Variants in DHX33 observed in about 807,000 individuals in gnomAD.
The protein encoded by DHX33 is DEAH-box helicase 33, also known as ATP-dependent RNA helicase DHX33.
In DHX33, 42 loss-of-function variants were observed where a neutral mutation model predicts 72.5. The ratio of observed to expected loss-of-function variants is 0.58; its 90% CI spans 0.45 to 0.75. The LOEUF (loss-of-function observed/expected upper bound fraction) is 0.75, where lower values mean the gene tolerates loss of function less well. DHX33 is among the 30% of genes least tolerant of loss of function. The probability of loss-of-function intolerance (pLI) is 0.00; values close to 1 mark genes in which losing one functional copy is unlikely to be tolerated. For synonymous variants in DHX33, 358 were observed against 366.1 expected (o/e 0.98, Z 0.25); for missense variants, 842 against 917.5 (o/e 0.92, Z 1.06).
At chr17:5,460,261 G>A (rs1597362656) in intron 4 of DHX33, among the ~76,000 whole-genome samples, 1 of 151,572 alleles carries the variant, frequency 6.6e-6, no homozygotes. Flanking sequence ...TGATCCACCC[G>A]CCTCGGCCTC....
chr17:5,449,023 C>A (rs777254076), intron 10 of DHX33, 128 bp from the exon 11 acceptor site: 6 of 561,872 alleles, frequency 1.1e-5, no homozygotes, highest in Non-Finnish European at 1.8e-5. Flanking sequence ...CAAACCAATC[C>A]TCCCACCTCA....
intron 4 of DHX33, among the ~76,000 whole-genome samples, chr17:5,456,750 T>C (rs1008911058): frequency 6.6e-6 from 1 of 152,248 alleles, no homozygotes; most frequent in Non-Finnish European, 1.5e-5. Context: ...TGAAGCTTCC[T>C]TTCTTTTATA....
At chr17:5,463,755 T>C (rs1266433751) in intron 1 of DHX33, 66 bp from the exon 2 acceptor site, 1 of 1,470,940 alleles carries the variant, frequency 6.8e-7, no homozygotes, top group African/African-American at 1.4e-5. Context: ...GCACCAGGGC[T>C]GGCACCTATA....
At chr17:5,455,348 T>A in intron 5 of DHX33, 77 bp from the exon 6 acceptor site, 1 of 1,181,806 alleles carries the variant, frequency 8.5e-7, no homozygotes, top group Non-Finnish European at 1.3e-6. Flanking sequence ...TTCTCACCAT[T>A]AACTTCCACA....
chr17:5,448,333 T>C (rs1916744936), intron 11 of DHX33, among the ~76,000 whole-genome samples: 1 of 152,158 alleles, frequency 6.6e-6, no homozygotes, highest in African/African-American at 2.4e-5. Flanking sequence ...AAAACATACA[T>C]ACACAGAAAC....
In DHX33 at chr17:5,450,296, C is replaced by A; in HGVS notation, c.1635G>T (p.Val545=). ...LHNPPSRREE[V]QGVRKKFISS... ...ATATGAACTTCTTGCGGACCCCTTG[C>A]ACTTCCTCTCGCCGGGAAGGAGGGT... Residue 545 remains valine (V), a synonymous_variant, in exon 10 of 12, where the codon GTG becomes GTT. Transcript: ENST00000225296. 6.2e-7 allele frequency: 1 copy of A among 1,614,206 alleles called. No individual in the cohort carries two copies. Among genetic ancestry groups the A allele is most frequent in the Non-Finnish European group, 8.5e-7 (1 of 1,180,036 alleles).
intron 11 of DHX33, among the ~76,000 whole-genome samples, chr17:5,447,130 C>G (rs1172491261): frequency 6.6e-6 from 1 of 152,252 alleles, no homozygotes; most frequent in Non-Finnish European, 1.5e-5. Context: ...CCCTCTATCT[C>G]TGACATAAAA....
At chr17:5,455,116 C>A (rs765501407) in intron 6 of DHX33, 44 bp downstream of exon 6, 3 of 1,513,476 alleles carry the variant, frequency 2.0e-6, no homozygotes, top group Non-Finnish European at 2.7e-6. Context: ...TCAGTGGCTG[C>A]TCACTAGACA....
At chr17:5,461,164 G>A (rs1051609534) in intron 3 of DHX33, 55 bp from the exon 4 acceptor site, 48 of 1,551,854 alleles carry the variant, frequency 3.1e-5, no homozygotes, top group Middle Eastern at 1.7e-4. Flanking sequence ...AGGCCTTTCC[G>A]TGTCCCTCTC....
intron 11 of DHX33, among the ~76,000 whole-genome samples, chr17:5,448,120 A>G (rs529055625): frequency 6.6e-6 from 1 of 152,246 alleles, no homozygotes; most frequent in African/African-American, 2.4e-5. Flanking sequence ...CAGAGGTTGC[A>G]GTGAGCGGAG....
In DHX33 at chr17:5,456,047, C is replaced by T. The variant is rs771065190; in HGVS notation, c.985G>A (p.Ala329Thr). The T allele has an allele frequency of 8.1e-6, 13 of 1,613,276 alleles. No homozygotes were observed. The highest frequency in any genetic ancestry group is 1.7e-5 in the Admixed American group (1 of 60,010). ...CPAMLVLPLY[A>T]SLPYAQQLRV... ...AGCTGCTGTGCATAGGGCAGGGAGG[C>T]GTACAGAGGAAGGACCAGCATCGCA... The change falls in exon 5 of 12, where the codon GCC becomes ACC. Residue 329 changes from alanine (A) to threonine (T), a missense_variant. Transcript: ENST00000225296.
At chr17:5,447,860 C>A (rs901516747) in intron 11 of DHX33, among the ~76,000 whole-genome samples, 1 of 151,974 alleles carries the variant, frequency 6.6e-6, no homozygotes, top group African/African-American at 2.4e-5. Flanking sequence ...GCACTGAAAG[C>A]CCAGCCACAG....
At chr17:5,467,708 CAA>C (rs1313873404) in intron 1 of DHX33, among the ~76,000 whole-genome samples, 1 of 152,116 alleles carries the variant, frequency 6.6e-6, no homozygotes, top group Admixed American at 6.6e-5. Context: ...CCCCTGCTCC[CAA>C]AGAGTCCAAC....
intron 4 of DHX33, among the ~76,000 whole-genome samples, chr17:5,457,091 G>A (rs961140785): frequency 1.5e-4 from 23 of 152,224 alleles, no homozygotes; most frequent in African/African-American, 4.3e-4. Flanking sequence ...CAGATCACCT[G>A]AGGTCAGGAG....
In DHX33 at chr17:5,453,999, C is replaced by G. The variant is rs1350510055; in HGVS notation, c.1148-19G>C. The G allele has an allele frequency of 8.1e-6, 13 of 1,610,212 alleles. No homozygotes were observed. The highest frequency in any genetic ancestry group is 1.3e-5 in the African/African-American group (1 of 74,836). On this transcript the variant is annotated intron_variant, in intron 6 of 11. Transcript: ENST00000225296. ...CCACTGTCTGGATGGAGAGTGAGCC[C>G]CATTAGTGCTTCATCACATGAACAA...
Position 5,468,868 on chromosome 17 carries a change from G to A in DHX33, c.-9C>T, listed in dbSNP as rs1905005135. On this transcript the variant is annotated 5_prime_UTR_variant, in exon 1 of 12. Coordinates refer to ENST00000225296, the MANE Select transcript of DHX33 (RefSeq NM_020162.4). ...CCCGCCTCCTCCGGCATGTCGGGAGGGCACCGCGGCGGGAGGCGCAAGCGC... is the reference window on the plus strand; with the variant it reads ...CCCGCCTCCTCCGGCATGTCGGGAGAGCACCGCGGCGGGAGGCGCAAGCGC... 3 of 1,550,968 alleles carry A rather than the reference G, an allele frequency of 1.9e-6. No homozygotes were observed. Among genetic ancestry groups the A allele is most frequent in the East Asian group, 2.4e-5 (1 of 41,028 alleles).
intron 10 of DHX33, among the ~76,000 whole-genome samples, chr17:5,449,626 G>A (rs1039828443): frequency 7.2e-5 from 11 of 152,086 alleles, no homozygotes; most frequent in Non-Finnish European, 1.2e-4. Flanking sequence ...TAGTAGAGAC[G>A]GGGTTTTGCC....
At chr17:5,448,463 C>CTA (rs1916749559) in intron 11 of DHX33, among the ~76,000 whole-genome samples, 1 of 152,108 alleles carries the variant, frequency 6.6e-6, no homozygotes, top group Non-Finnish European at 1.5e-5. Context: ...GTGTCAAATA[C>CTA]TATACACAAC....
At chr17:5,455,976 C>T (rs1170424503) in intron 5 of DHX33, 21 bp downstream of exon 5, 1 of 1,606,312 alleles carries the variant, frequency 6.2e-7, no homozygotes, top group Non-Finnish European at 8.5e-7. Flanking sequence ...TAGGGCTGGA[C>T]AGAAGAGGTG....
Sources: gnomAD v4.1 joint callset for allele counts (sites outside exome capture counted in the v4.1 genomes callset) on GRCh38, gnomAD v4.1.1 for gene constraint, MANE v1.5 for transcripts, NCBI Gene and HGNC (gene_info 2026-07-23, HGNC 2026-07-21) for gene names.